PRPS2: variants seen among roughly 807,000 people sequenced by gnomAD.
PRPS2 encodes the protein ribose-phosphate pyrophosphokinase 2.
For missense variants in PRPS2, 104 were observed against 271.5 expected (o/e 0.38, Z 4.34); for synonymous variants, 111 against 115.3 (o/e 0.96, Z 0.24).
chrX:12,821,696 A>AGAT (rs916172558), intron 6 of PRPS2, among the ~76,000 whole-genome samples: 1 of 112,359 alleles, frequency 8.9e-6, no homozygotes, highest in Admixed American at 9.4e-5. Flanking sequence ...ATAGATACAT[A>AGAT]GATAGATACA....
chrX:12,799,324 G>A lies in PRPS2; in HGVS notation c.240G>A (p.Ala80=), dbSNP rs761392073. 1.4e-5 allele frequency: 17 copies of A among 1,209,566 alleles called. No homozygotes were observed. Among genetic ancestry groups the A allele is most frequent in the Middle Eastern group, 2.3e-4 (1 of 4,375 alleles). ...LLIMINACKI[A]SSSRVTAVIP... ...TCATGATCAATGCCTGCAAGATTGC[G>A]TCATCATCCAGAGTAACTGCCGTGA... The change falls in exon 2 of 7, where the codon GCG becomes GCA. Residue 80 remains alanine (A), a synonymous_variant. Transcript: ENST00000380668.
chrX:12,820,498 A>C, intron 5 of PRPS2, 146 bp from the exon 6 acceptor site: 1 of 568,264 alleles, frequency 1.8e-6, no homozygotes, highest in East Asian at 3.6e-5. Context: ...TGCTTGAGTG[A>C]TCCTATCTTA....
Position 12,820,632 on chromosome X carries a change from G to C in PRPS2, c.705-12G>C. The C allele has an allele frequency of 8.3e-7, 1 of 1,198,835 alleles. No individual in the cohort carries two copies. Among genetic ancestry groups the C allele is most frequent in the South Asian group, 1.8e-5 (1 of 54,634 alleles). On this transcript the variant is annotated splice_polypyrimidine_tract_variant and intron_variant, in intron 5 of 6. Transcript: ENST00000380668. ...TGCATACCCTTAATTTTTATCTTCTGCTGTTCTACAGGCTGCTGTCAGCTG... is the reference window on the plus strand; with the variant it reads ...TGCATACCCTTAATTTTTATCTTCTCCTGTTCTACAGGCTGCTGTCAGCTG...
At chrX:12,821,453 G>C (rs1448510749) in intron 6 of PRPS2, among the ~76,000 whole-genome samples, 1 of 109,894 alleles carries the variant, frequency 9.1e-6, no homozygotes, top group South Asian at 4.0e-4. Context: ...TCTGGGGGTG[G>C]GGGGGGCAGT....
At chrX:12,804,473 C>T (rs1301549482) in intron 2 of PRPS2, among the ~76,000 whole-genome samples, 3 of 111,463 alleles carry the variant, frequency 2.7e-5, no homozygotes, top group Non-Finnish European at 5.7e-5. Context: ...GCTGATAATA[C>T]TTTTCCTAAC....
chrX:12,813,786 C>A (rs1338990837), intron 4 of PRPS2, among the ~76,000 whole-genome samples: 1 of 111,840 alleles, frequency 8.9e-6, no homozygotes, highest in Admixed American at 9.5e-5. Context: ...TAGACGAGAT[C>A]ACAGCTGTTT....
chrX:12,818,404 G>T (rs1195466507), intron 4 of PRPS2, among the ~76,000 whole-genome samples: 1 of 108,633 alleles, frequency 9.2e-6, no homozygotes, highest in Non-Finnish European at 1.9e-5. Context: ...AGAAACACTG[G>T]TTGTGTTGTG....
At chrX:12,816,803 G>A (rs922818279) in intron 4 of PRPS2, among the ~76,000 whole-genome samples, 1 of 111,524 alleles carries the variant, frequency 9.0e-6, no homozygotes, top group African/African-American at 3.3e-5. Flanking sequence ...GTGGTTATAT[G>A]TTAGAAATAA....
rs199700439 is a variant in PRPS2, at chrX:12,820,601, A to T, written c.705-43A>T. ...TCATACTAGGGGAGAGTATTCCAAG[A>T]ATATTTGCATACCCTTAATTTTTAT... On this transcript the variant is annotated intron_variant, in intron 5 of 6. Transcript: ENST00000380668. 5.1e-4 allele frequency: 593 copies of T among 1,173,011 alleles called. 1 individual carries two copies. Among genetic ancestry groups the T allele is most frequent in the South Asian group, 9.4e-4 (49 of 52,231 alleles).
chrX:12,807,977 C>A (rs2042602409), intron 2 of PRPS2, among the ~76,000 whole-genome samples: 1 of 106,883 alleles, frequency 9.4e-6, no homozygotes, highest in Admixed American at 1.0e-4. Context: ...AAGCAATTCT[C>A]CTGCCTCAGC....
At chrX:12,808,559 G>A (rs918937998) in intron 2 of PRPS2, among the ~76,000 whole-genome samples, 1 of 112,321 alleles carries the variant, frequency 8.9e-6, no homozygotes, top group African/African-American at 3.2e-5. Flanking sequence ...CATAATATCA[G>A]TAAATGACAC....
chrX:12,791,592 C>A lies in PRPS2; in HGVS notation c.95C>A (p.Thr32Lys). 2.5e-6 allele frequency: 3 copies of A among 1,187,540 alleles called. No individual in the cohort carries two copies. Among genetic ancestry groups the A allele is most frequent in the Non-Finnish European group, 3.4e-6 (3 of 884,273 alleles). The stretch of plus-strand genomic sequence containing the variant: ...GGCCTGGAGCTGGGCAAGGTGGTCA[C>A]GAAGAAGTTCAGCAACCAGGAGACC... Reference protein sequence around the residue: ...RLGLELGKVVTKKFSNQETSV... With the variant: ...RLGLELGKVVKKKFSNQETSV... The change falls in exon 1 of 7, where the codon ACG (threonine) becomes AAG (lysine). Residue 32 changes from threonine (T) to lysine (K), a missense_variant. By Grantham distance (78) the Thr-to-Lys change is moderately conservative. Transcript: ENST00000380668.
Position 12,811,579 on chromosome X carries a change from C to T in PRPS2, c.530+1433C>T, listed in dbSNP as rs946851539. ...AGGGAGAAGTAGGAGAGACTTCTAC[C>T]CCCCAGTCCAGTGAGGAAGCAAGGA... On this transcript the variant is annotated intron_variant, in intron 4 of 6. Coordinates refer to ENST00000380668, the MANE Select transcript of PRPS2 (RefSeq NM_002765.5). Among the ~76,000 whole-genome samples the T allele has an allele frequency of 3.6e-5, 4 of 111,066 alleles. No individual in the cohort carries two copies. The Admixed American group carries it at 3.8e-4, about 11-fold the overall frequency.
intron 5 of PRPS2, 111 bp downstream of exon 5, chrX:12,819,791 A>C: frequency 1.1e-6 from 1 of 919,678 alleles, no homozygotes; most frequent in Non-Finnish European, 1.5e-6. Flanking sequence ...TTGGCAGTGG[A>C]GTTTTAGACC....
chrX:12,794,121 G>A (rs889800478), intron 1 of PRPS2, among the ~76,000 whole-genome samples: 4 of 112,687 alleles, frequency 3.5e-5, no homozygotes, highest in Non-Finnish European at 7.5e-5. Flanking sequence ...TGTTGATTTG[G>A]CTTACAAATC....
intron 1 of PRPS2, among the ~76,000 whole-genome samples, chrX:12,794,178 A>ATGGTCACAGCTGAGGC (rs1362317391): frequency 1.8e-5 from 2 of 112,663 alleles, no homozygotes; most frequent in African/African-American, 6.5e-5. Context: ...TTTGCCGCGT[A>ATGGTCACAGCTGAGGC]TGGTCACAGC....
At chrX:12,807,176 C>T (rs1247021796) in intron 2 of PRPS2, among the ~76,000 whole-genome samples, 1 of 112,482 alleles carries the variant, frequency 8.9e-6, no homozygotes, top group Admixed American at 9.4e-5. Flanking sequence ...CATTTGGTGT[C>T]TGGTACGGGC....
intron 1 of PRPS2, among the ~76,000 whole-genome samples, chrX:12,796,624 T>G (rs1027114280): frequency 5.4e-5 from 6 of 111,841 alleles, no homozygotes; most frequent in Non-Finnish European, 9.4e-5. Flanking sequence ...TATTTCATTT[T>G]GGGATGAATA....
intron 2 of PRPS2, among the ~76,000 whole-genome samples, chrX:12,802,351 T>TG (rs996668506): frequency 9.0e-6 from 1 of 111,325 alleles, no homozygotes; most frequent in African/African-American, 3.3e-5. Flanking sequence ...TGTTTTGTTT[T>TG]GTTTTGTTTG....
Sources: allele counts gnomAD v4.1 joint callset (sites outside exome capture counted in the v4.1 genomes callset), GRCh38; gene constraint gnomAD v4.1.1; transcripts MANE v1.5; gene names NCBI Gene and HGNC (gene_info 2026-07-23, HGNC 2026-07-21).